The following SARS2 variants were observed in gnomAD, a reference collection of about 807,000 sequenced individuals.
SARS2 encodes seryl-tRNA synthetase 2, mitochondrial.
SARS2 carries 52 observed loss-of-function variants against 66.8 expected under a neutral mutation model. The ratio of observed to expected loss-of-function variants is 0.78; its 90% CI spans 0.62 to 0.98. The LOEUF is 0.98. SARS2 is among the 50% of genes least tolerant of loss of function. SARS2 has a pLI of 0.00. For missense variants in SARS2, 673 were observed against 706.3 expected, an observed-to-expected ratio of 0.95 and a Z score of 0.53; for synonymous variants, 306 against 281.4, an observed-to-expected ratio of 1.09 and a Z score of -0.87.
chr19:38,928,936 G>A (rs1255911560), intron 1 of SARS2, among the ~76,000 whole-genome samples: 1 of 152,180 alleles, frequency 6.6e-6, no homozygotes, highest in African/African-American at 2.4e-5. Context: ...ATGTCTTTTA[G>A]TGGGGCATGG....
chr19:38,922,065 G>A (rs993850469), intron 3 of SARS2, 173 bp downstream of exon 3: 51 of 1,570,538 alleles, frequency 3.2e-5, no homozygotes, highest in Non-Finnish European at 4.1e-5. Context: ...GCCAGCACCT[G>A]GATCCAGCCG....
At chr19:38,915,806 A>AGCT (rs1311048869) in intron 15 of SARS2, 35 bp downstream of exon 15, 1 of 1,613,002 alleles carries the variant, frequency 6.2e-7, no homozygotes, top group Admixed American at 1.7e-5. Flanking sequence ...CCCGGCGCTG[A>AGCT]GCTGCCTCTC....
chr19:38,921,320 GCCCCCA>G (rs1450579313), intron 5 of SARS2, 66 bp downstream of exon 5: 55 of 1,529,602 alleles, frequency 3.6e-5, no homozygotes, highest in Non-Finnish European at 4.5e-5. Flanking sequence ...GACCCCAGGG[GCCCCCA>G]CCCCGAGACC....
chr19:38,923,325 C>T (rs1357640443), intron 2 of SARS2, among the ~76,000 whole-genome samples: 2 of 146,682 alleles, frequency 1.4e-5, no homozygotes, highest in African/African-American at 5.1e-5. Flanking sequence ...GGGTTCACGC[C>T]ATTCTCCTGC....
At chr19:38,921,778 T>C in intron 3 of SARS2, 111 bp from the exon 4 acceptor site, 6 of 1,475,276 alleles carry the variant, frequency 4.1e-6, no homozygotes, top group Non-Finnish European at 5.5e-6. Flanking sequence ...ATGCCTCTTC[T>C]CCAGGCCCAG....
chr19:38,915,951 G>A (rs1974405906), intron 14 of SARS2, 45 bp from the exon 15 acceptor site: 1 of 1,612,996 alleles, frequency 6.2e-7, no homozygotes, highest in Non-Finnish European at 8.5e-7. Flanking sequence ...CCCAAGCTGA[G>A]CCCGGGGAGG....
At position 38,921,890 on chromosome 19, in the gene SARS2, C is replaced by T. The variant is rs1974543303; in HGVS notation, c.394-223G>A. On this transcript the variant is annotated intron_variant, in intron 3 of 15. Coordinates refer to ENST00000221431, the MANE Select transcript of SARS2 (RefSeq NM_017827.4). ...CTAGAACGTTCTATTGCCTTGGCCA[C>T]AATGACTGGCTCAGAGACAGGCACC... 3.6e-6 allele frequency: 5 copies of T among 1,406,154 alleles called. No homozygotes were observed. In the East Asian group the frequency reaches 1.2e-4, roughly 35 times the overall value. 87.1% of individuals were successfully genotyped at this position (1,406,154 alleles called of 1,614,324 possible).
At chr19:38,920,247 G>A (rs755028186) in intron 5 of SARS2, 98 bp from the exon 6 acceptor site, 1 of 974,252 alleles carries the variant, frequency 1.0e-6, no homozygotes, top group Admixed American at 2.0e-5. Flanking sequence ...GGGACGGTGA[G>A]AGAAAATAAA....
chr19:38,921,959 TG>T (rs1974544540), intron 3 of SARS2: 45 of 1,550,466 alleles, frequency 2.9e-5, no homozygotes, highest in Non-Finnish European at 3.8e-5. Context: ...GGACTTTAAC[TG>T]GAACTATCAG....
intron 2 of SARS2, among the ~76,000 whole-genome samples, chr19:38,923,382 C>T (rs1248003842): frequency 1.3e-5 from 2 of 148,576 alleles, no homozygotes; most frequent in East Asian, 2.1e-4. Context: ...CCACTACGCC[C>T]GGCTAATTTT....
rs1064796265 is a variant in SARS2, at chr19:38,915,878, C to T, written c.1376G>A (p.Arg459His). 2 of 1,613,818 alleles carry T rather than the reference C, an allele frequency of 1.2e-6. No individual in the cohort carries two copies. Among genetic ancestry groups the T allele is most frequent in the East Asian group, 2.2e-5 (1 of 44,876 alleles). ...TVNATACAVP[R>H]LLIALLESNQ... ...ACTCTCCAGGAGCGCGATGAGAAGG[C>T]GGGGGACAGCACAGGCGGTGGCGTT... The change falls in exon 15 of 16, where the codon CGC becomes CAC. Residue 459 changes from arginine (R) to histidine (H), a missense_variant. Coordinates refer to ENST00000221431, the MANE Select transcript of SARS2 (RefSeq NM_017827.4).
intron 2 of SARS2, among the ~76,000 whole-genome samples, chr19:38,923,703 G>A (rs545687567): frequency 6.0e-5 from 9 of 151,006 alleles, no homozygotes; most frequent in South Asian, 4.2e-4. Context: ...AAATCAGGCC[G>A]GGCTTGGTGG....
At position 38,918,449 on chromosome 19, in the gene SARS2, C is replaced by T. The variant is rs762837815; in HGVS notation, c.889G>A (p.Ala297Thr). Residue 297 changes from alanine (A) to threonine (T), a missense_variant, in exon 9 of 16, where the codon GCT (alanine) becomes ACT (threonine). Transcript: ENST00000221431. ...DPARFKDLNL[A>T]GTAEVGLAGY... ...GCAAGCCCCACCTCCGCTGTTCCAG[C>T]CAGGTTGAGATCTTTGAAGCGGGCA... is the stretch of plus-strand genomic sequence containing the variant. The T allele has an allele frequency of 6.2e-7, 1 of 1,614,178 alleles. No individual in the cohort carries two copies. Among genetic ancestry groups the T allele is most frequent in the Admixed American group, 1.7e-5 (1 of 60,030 alleles).
intron 12 of SARS2, among the ~76,000 whole-genome samples, chr19:38,917,009 C>A (rs1974429952): frequency 6.6e-6 from 1 of 150,758 alleles, no homozygotes. Flanking sequence ...TTGCCCCAGG[C>A]TAGAGTGCAG....
rs1277765105 is a variant in SARS2 at position 38,921,554 on chromosome 19, C to T, written c.507G>A (p.Lys169=). The T allele has an allele frequency of 6.2e-7, 1 of 1,614,084 alleles. No homozygotes were observed. The highest frequency in any genetic ancestry group is 8.5e-7 in the Non-Finnish European group (1 of 1,180,028). The stretch of plus-strand genomic sequence containing the variant: ...CGTCTGGGTGGGTCTGGTTGGGCAG[C>T]TTCAGCGCCTGCAGGTAGAACTGCT... ...LEEQFYLQAL[K]LPNQTHPDVP... is the part of the protein sequence containing the mutation. Residue 169 remains lysine (K), a synonymous_variant, in exon 4 of 16, where the codon AAG becomes AAA. Transcript: ENST00000221431.
chr19:38,922,198 C>T (rs752167948), intron 3 of SARS2, 40 bp downstream of exon 3: 12 of 1,610,208 alleles, frequency 7.5e-6, no homozygotes, highest in Middle Eastern at 3.3e-4. Flanking sequence ...CCTCCCTGCC[C>T]ACCCCCAACC....
Position 38,920,149 on chromosome 19 carries a change from A to C in SARS2, c.590T>G (p.Val197Gly). 1 of 1,558,758 alleles carries C rather than the reference A, an allele frequency of 6.4e-7. No homozygotes were observed. The highest frequency in any genetic ancestry group is 8.7e-7 in the Non-Finnish European group (1 of 1,150,546). ...RVLHMVGDKP[V>G]FSFQPRGHLE... Reference sequence around the variant, plus strand: ...GTGGCCCCGAGGTTGGAAGGAGAAAACTGGATGTGGGTGAAAAGCACCGGT... The same window carrying C: ...GTGGCCCCGAGGTTGGAAGGAGAAACCTGGATGTGGGTGAAAAGCACCGGT... Residue 197 changes from valine (V) to glycine (G), a missense_variant and splice_region_variant, in exon 6 of 16, where the codon GTT becomes GGT. Val to Gly is a moderately radical substitution (Grantham distance 109, BLOSUM62 -3). Transcript: ENST00000221431.
At position 38,915,656 on chromosome 19, in the gene SARS2, G is replaced by C; in HGVS notation, c.1507C>G (p.Pro503Ala). The C allele has an allele frequency of 6.2e-7, 1 of 1,613,330 alleles. No individual in the cohort carries two copies. Among genetic ancestry groups the C allele is most frequent in the Admixed American group, 1.7e-5 (1 of 60,000 alleles). Residue 503 changes from proline to alanine, a missense_variant, in exon 16 of 16, where the codon CCC becomes GCC. Transcript: ENST00000221431. ...PTHVPLQYIG[P>A]NQPRKPGLPG... The stretch of plus-strand genomic sequence containing the variant: ...AGCCCAGGCTTCCGGGGCTGGTTGG[G>C]GCCGATGTACTGGAGAGGCACGTGG...
chr19:38,915,819 G>T (rs760266236), intron 15 of SARS2, 22 bp downstream of exon 15: 2 of 1,613,346 alleles, frequency 1.2e-6, no homozygotes, highest in Non-Finnish European at 1.7e-6. Context: ...TGCCTCTCTG[G>T]GTGGGCCCCT....
Sources: allele counts gnomAD v4.1 joint callset (sites outside exome capture counted in the v4.1 genomes callset), GRCh38; gene constraint gnomAD v4.1.1; transcripts MANE v1.5; gene names NCBI Gene and HGNC (gene_info 2026-07-23, HGNC 2026-07-21).